The following ZRANB1 variants were observed in gnomAD, a reference collection of about 807,000 sequenced individuals.
ZRANB1 encodes the protein ubiquitin thioesterase ZRANB1.
Under a neutral mutation model 80.5 loss-of-function variants are expected in ZRANB1, and 16 were observed. That is an observed-to-expected ratio of 0.20 (90% CI 0.13 to 0.30). The LOEUF is 0.30. ZRANB1 is among the 10% of genes least tolerant of loss of function. The pLI, the probability that ZRANB1 is intolerant of heterozygous loss-of-function variation, is 1.00. For missense variants in ZRANB1, 576 were observed against 862.6 expected (o/e 0.67, Z 4.16); for synonymous variants, 291 against 293.1 (o/e 0.99, Z 0.07).
chr10:124,922,332 ATATATTTT>A, the ZRANB1 span, among the ~76,000 whole-genome samples: 221 of 37,100 alleles, frequency 6.0e-3, 2 homozygotes, highest in Middle Eastern at 0.059. Context: ...ATATGTATAT[ATATATTTT>A]TTTTTTAATA....
intron 5 of ZRANB1, among the ~76,000 whole-genome samples, chr10:124,980,574 A>G (rs993272569): frequency 1.3e-5 from 2 of 152,264 alleles, no homozygotes; most frequent in Non-Finnish European, 2.9e-5. Flanking sequence ...TAGCGATTAT[A>G]AAAGAATATA....
chr10:124,938,542 G>C (rs991613771), upstream of ZRANB1, among the ~76,000 whole-genome samples: 2 of 151,858 alleles, frequency 1.3e-5, no homozygotes, highest in South Asian at 2.1e-4. Flanking sequence ...GCCCAGGCTG[G>C]TCTCGAACTC....
chr10:124,974,604 A>G (rs747644134), intron 5 of ZRANB1, among the ~76,000 whole-genome samples: 40 of 152,362 alleles, frequency 2.6e-4, no homozygotes, highest in Non-Finnish European at 4.3e-4. Context: ...GCAAGAATCA[A>G]TGGTTTTTAT....
At position 124,942,217 on chromosome 10, in the gene ZRANB1, C is replaced by CT. The variant is rs1951542154; in HGVS notation, c.-273dup. 8.0e-7 allele frequency: 1 copy of CT among 1,254,634 alleles called. No homozygotes were observed. The highest frequency in any genetic ancestry group is 1.0e-6 in the Non-Finnish European group (1 of 994,218). 77.7% of individuals were successfully genotyped at this position (1,254,634 alleles called of 1,614,324 possible). The stretch of plus-strand genomic sequence containing the variant: ...ACCTCGTTATATCTCCTGCCTATCT[C>CT]TTTTGCATTCCAAAGTTCAGTTTTA... On this transcript the variant is annotated 5_prime_UTR_variant, in exon 1 of 9. The change abolishes the stop of an existing upstream ORF in the 5' untranslated region. Transcript: ENST00000359653.
intron 1 of ZRANB1, among the ~76,000 whole-genome samples, chr10:124,948,097 C>T (rs933154385): frequency 1.3e-5 from 2 of 152,064 alleles, no homozygotes; most frequent in African/African-American, 2.4e-5. Context: ...GCTCTGCCAC[C>T]CCTGAGACAG....
In ZRANB1 at chr10:124,942,793, A is replaced by G. The variant is rs1186288562; in HGVS notation, c.300A>G (p.Arg100=). Residue 100 remains arginine, a synonymous_variant, in exon 1 of 9, where the codon AGA becomes AGG. Coordinates refer to ENST00000359653, the MANE Select transcript of ZRANB1 (RefSeq NM_017580.3). ...CHMCTYLNWP[R]AIRCTQCLSQ... is the part of the protein sequence containing the mutation. ...TGTGTACATATTTGAACTGGCCAAGAGCAATCAGATGTACCCAGTGCTTAT... is the reference window on the plus strand; with the variant it reads ...TGTGTACATATTTGAACTGGCCAAGGGCAATCAGATGTACCCAGTGCTTAT... 6.2e-7 allele frequency: 1 copy of G among 1,614,234 alleles called. No individual in the cohort carries two copies. Among genetic ancestry groups the G allele is most frequent in the Non-Finnish European group, 8.5e-7 (1 of 1,180,050 alleles).
chr10:124,967,437 G>C (rs1951785492), intron 2 of ZRANB1, among the ~76,000 whole-genome samples: 1 of 152,180 alleles, frequency 6.6e-6, no homozygotes, highest in Non-Finnish European at 1.5e-5. Flanking sequence ...GATTGGGAAT[G>C]GAGAGAAGGG....
At chr10:124,981,905 C>T in intron 6 of ZRANB1, 76 bp downstream of exon 6, 1 of 1,561,696 alleles carries the variant, frequency 6.4e-7, no homozygotes, top group Non-Finnish European at 8.7e-7. Flanking sequence ...TTGAGCAAAC[C>T]ATGTTGGGGG....
chr10:124,936,195 G>C, the ZRANB1 span, among the ~76,000 whole-genome samples: 2 of 152,144 alleles, frequency 1.3e-5, no homozygotes, highest in Non-Finnish European at 2.9e-5. Context: ...GTGACAGGAA[G>C]GAGTTGAGAG....
intron 3 of ZRANB1, among the ~76,000 whole-genome samples, chr10:124,972,575 C>T (rs1564965107): frequency 6.6e-6 from 1 of 152,176 alleles, no homozygotes; most frequent in Non-Finnish European, 1.5e-5. Flanking sequence ...GAACACACTG[C>T]ATCCTCTTGA....
chr10:124,940,363 C>G (rs1951523963), upstream of ZRANB1: 1 of 388,898 alleles, frequency 2.6e-6, no homozygotes, highest in African/African-American at 2.1e-5. Context: ...CAGTTTTGGT[C>G]TCCTTTACAG....
chr10:124,961,807 G>A (rs1951736603), intron 1 of ZRANB1, among the ~76,000 whole-genome samples: 1 of 152,174 alleles, frequency 6.6e-6, no homozygotes, highest in African/African-American at 2.4e-5. Flanking sequence ...GTCTTGATAT[G>A]TTATAGATTA....
At chr10:124,945,606 A>T (rs553238711) in intron 1 of ZRANB1, 1 of 151,828 alleles carries the variant, frequency 6.6e-6, no homozygotes, top group South Asian at 2.1e-4. Flanking sequence ...CTTCATTTCA[A>T]CCCCCGGTTG....
rs368715265 is a variant in ZRANB1, at chr10:124,986,982, T to TATCA, written c.*1995_*1998dup. On this transcript the variant is annotated 3_prime_UTR_variant, in exon 9 of 9. Transcript: ENST00000359653. Reference sequence around the variant, plus strand: ...AGCGCTCTATTATTTATTTATTTATTATCAATCAGTGACCCTGACCACATA... The same window carrying TATCA: ...AGCGCTCTATTATTTATTTATTTATTATCAATCAATCAGTGACCCTGACCACATA... The TATCA allele has an allele frequency of 0.082, 12,468 of 152,594 alleles. 695 individuals carry two copies. The highest frequency in any genetic ancestry group is 0.16 in the Admixed American group (2,424 of 15,276). 9.5% of individuals were successfully genotyped at this position (152,594 alleles called of 1,614,324 possible).
chr10:124,959,503 C>A (rs1286628295), intron 1 of ZRANB1, among the ~76,000 whole-genome samples: 1 of 151,732 alleles, frequency 6.6e-6, no homozygotes, highest in Admixed American at 6.6e-5. Context: ...ACTTTGTCAC[C>A]CAGGCTGGGT....
At chr10:124,925,854 G>A in the ZRANB1 span, among the ~76,000 whole-genome samples, 2 of 152,112 alleles carry the variant, frequency 1.3e-5, no homozygotes, top group African/African-American at 4.8e-5. Flanking sequence ...TAAATGTTCT[G>A]AGCAATGCAT....
intron 3 of ZRANB1, among the ~76,000 whole-genome samples, chr10:124,972,776 GT>G (rs200331458): frequency 1.4e-3 from 198 of 141,696 alleles, no homozygotes; most frequent in South Asian, 1.8e-3. Flanking sequence ...TTTTGTTGCT[GT>G]TTTTTTTTTT....
intron 1 of ZRANB1, among the ~76,000 whole-genome samples, chr10:124,959,420 G>A (rs1323689459): frequency 1.3e-5 from 2 of 151,866 alleles, no homozygotes; most frequent in Non-Finnish European, 2.9e-5. Context: ...TCCTTAACCT[G>A]GTTAAGGAAT....
rs1038590981 is a variant in ZRANB1 at position 124,942,133 on chromosome 10, C to T, written c.-361C>T. On this transcript the variant is annotated 5_prime_UTR_variant, in exon 1 of 9. Transcript: ENST00000359653. ...CTTTTCTAAATTGATGTGATGGCCT[C>T]CCTGAAATTAAACATTTCTATTAGT... The T allele has an allele frequency of 6.4e-5, 68 of 1,055,890 alleles. No homozygotes were observed. The highest frequency in any genetic ancestry group is 9.3e-4 in the Middle Eastern group (2 of 2,158). 65.4% of individuals were successfully genotyped at this position (1,055,890 alleles called of 1,614,324 possible).
Sources: gnomAD v4.1 joint callset for allele counts (sites outside exome capture counted in the v4.1 genomes callset) on GRCh38, gnomAD v4.1.1 for gene constraint, MANE v1.5 for transcripts, NCBI Gene and HGNC (gene_info 2026-07-23, HGNC 2026-07-21) for gene names.